USP3: variants seen among roughly 807,000 people sequenced by gnomAD.
The protein encoded by USP3 is ubiquitin carboxyl-terminal hydrolase 3.
A neutral mutation model predicts 72.3 loss-of-function variants in USP3; 20 were observed. The ratio of observed to expected loss-of-function variants is 0.28; its 90% confidence interval spans 0.19 to 0.40. The LOEUF is 0.40. Ranked by LOEUF, USP3 falls within the 10% of genes least tolerant of loss-of-function variation. USP3 has a pLI of 1.00. For missense variants in USP3, 479 were observed against 633.9 expected (o/e 0.76, Z 2.62); for synonymous variants, 222 against 225.3 (o/e 0.99, Z 0.13).
chr15:63,509,453 T>C (rs539687238), intron 1 of USP3, among the ~76,000 whole-genome samples: 56 of 152,260 alleles, frequency 3.7e-4, no homozygotes, highest in African/African-American at 1.3e-3. Context: ...TGTGAGCAAA[T>C]GACCATCTGC....
Position 63,593,893 on chromosome 15 carries a change from C to CT in USP3, c.*3070dup, listed in dbSNP as rs2067247722. On this transcript the variant is annotated 3_prime_UTR_variant, in exon 15 of 15. Coordinates refer to ENST00000380324, the MANE Select transcript of USP3 (RefSeq NM_006537.4). ...CACATGGCTCCTTGGAACAAGAAAA[C>CT]TTTCTCAGAAGTCCCCACACGGGTG... 6.6e-6 allele frequency: 1 copy of CT among 152,260 alleles called. No individual in the cohort carries two copies. Among genetic ancestry groups the CT allele is most frequent in the African/African-American group, 2.4e-5 (1 of 41,464 alleles). 9.4% of individuals were successfully genotyped at this position (152,260 alleles called of 1,614,324 possible).
At chr15:63,541,799 A>C (rs1595729349) in intron 3 of USP3, among the ~76,000 whole-genome samples, 1 of 152,150 alleles carries the variant, frequency 6.6e-6, no homozygotes, top group Non-Finnish European at 1.5e-5. Context: ...ATAAAACCAG[A>C]TGTCAAATTT....
At chr15:63,513,588 A>G (rs2065816952) in intron 1 of USP3, among the ~76,000 whole-genome samples, 1 of 152,040 alleles carries the variant, frequency 6.6e-6, no homozygotes, top group Non-Finnish European at 1.5e-5. Flanking sequence ...GATGTTACCC[A>G]GGTCTTGAAC....
At chr15:63,510,778 GA>G (rs1267983161) in intron 1 of USP3, among the ~76,000 whole-genome samples, 1 of 152,122 alleles carries the variant, frequency 6.6e-6, no homozygotes, top group Non-Finnish European at 1.5e-5. Flanking sequence ...ATCTTACCTA[GA>G]ATTGTCTTGT....
chr15:63,505,710 C>T (rs1595696011), intron 1 of USP3, among the ~76,000 whole-genome samples: 1 of 152,190 alleles, frequency 6.6e-6, no homozygotes, highest in Admixed American at 6.5e-5. Context: ...AGGATCGCAC[C>T]GGCCACACGG....
At chr15:63,580,292 CTG>C (rs1304725420) in intron 11 of USP3, among the ~76,000 whole-genome samples, 1 of 152,072 alleles carries the variant, frequency 6.6e-6, no homozygotes, top group Non-Finnish European at 1.5e-5. Flanking sequence ...ACAGCATACA[CTG>C]TGCTGTTCAC....
intron 11 of USP3, among the ~76,000 whole-genome samples, chr15:63,577,714 C>T (rs903338742): frequency 5.9e-5 from 9 of 151,822 alleles, no homozygotes; most frequent in African/African-American, 4.8e-5. Flanking sequence ...ATCGTGCAAC[C>T]GCACTCCAGC....
At chr15:63,555,548 G>A (rs1223751761) in intron 4 of USP3, among the ~76,000 whole-genome samples, 1 of 152,164 alleles carries the variant, frequency 6.6e-6, no homozygotes, top group African/African-American at 2.4e-5. Flanking sequence ...TGCATTTTGA[G>A]AGTCACTGAG....
At chr15:63,512,405 CTTCT>C (rs1355560490) in intron 1 of USP3, among the ~76,000 whole-genome samples, 1 of 144,488 alleles carries the variant, frequency 6.9e-6, no homozygotes, top group East Asian at 2.0e-4. Context: ...CTTCCTTCTT[CTTCT>C]TTCTTCTTTC....
In USP3 at chr15:63,593,001, T is replaced by A. The variant is rs996832362; in HGVS notation, c.*2175T>A. 7 of 152,172 alleles carry A rather than the reference T, an allele frequency of 4.6e-5. No homozygotes were observed. Among genetic ancestry groups the A allele is most frequent in the Non-Finnish European group, 7.3e-5 (5 of 68,038 alleles). The allele number at this position is 152,172 out of a possible 1,614,324, so 9.4% of individuals were successfully genotyped here. On this transcript the variant is annotated 3_prime_UTR_variant, in exon 15 of 15. Transcript: ENST00000380324. ...TAGCCACATGTGACTGAAATTTAAA[T>A]TAGAAACTCAGTGCCTTCAGTCACA... is the stretch of plus-strand genomic sequence containing the variant.
rs2066013208 is a variant in USP3, at chr15:63,528,203, A to T, written c.92-4444A>T. The stretch of plus-strand genomic sequence containing the variant: ...CAGTCAGGGTTGGAAGAATCCAAGT[A>T]AACCGAAGAAATTTGCTGGAGGACG... On this transcript the variant is annotated intron_variant, in intron 1 of 14. Transcript: ENST00000380324. This position sits in a 1 kb window ranked among gnomAD's most constrained non-coding sequence, Gnocchi z 4.3. 6.6e-6 allele frequency: 1 copy of T among 152,248 alleles called. No individual in the cohort carries two copies. Among genetic ancestry groups the T allele is most frequent in the African/African-American group, 2.4e-5 (1 of 41,446 alleles). The allele number at this position is 152,248 out of a possible 1,614,324, so 9.4% of individuals were successfully genotyped here. A position where few individuals can be genotyped will look rare whatever the true frequency, so the allele number is the denominator to read the frequency against.
chr15:63,554,321 A>G (rs1289552821), intron 4 of USP3, among the ~76,000 whole-genome samples: 2 of 152,232 alleles, frequency 1.3e-5, no homozygotes, highest in African/African-American at 4.8e-5. Flanking sequence ...AGTTGACATT[A>G]CAAGGAGCTA....
chr15:63,504,694 G>A lies in USP3; in HGVS notation c.-46G>A. On this transcript the variant is annotated 5_prime_UTR_variant, in exon 1 of 15. Transcript: ENST00000380324. ...TCCGGAGTTCCTCCGCCCCCACCTC[G>A]CCGGGTCCTGGAGCCGCAGTCCTCC... The A allele has an allele frequency of 6.6e-7, 1 of 1,513,290 alleles. No individual in the cohort carries two copies. The highest frequency in any genetic ancestry group is 8.9e-7 in the Non-Finnish European group (1 of 1,121,524). 93.7% of individuals were successfully genotyped at this position (1,513,290 alleles called of 1,614,324 possible). A position where few individuals can be genotyped will look rare whatever the true frequency, so the allele number is the denominator to read the frequency against.
intron 3 of USP3, among the ~76,000 whole-genome samples, chr15:63,543,257 C>T (rs749316687): frequency 6.6e-6 from 1 of 151,818 alleles, no homozygotes; most frequent in Non-Finnish European, 1.5e-5. Flanking sequence ...TGGGACAGAT[C>T]GTGGTTTACA....
chr15:63,547,816 T>TAGAG (rs138633272), intron 3 of USP3, among the ~76,000 whole-genome samples: 7 of 19,320 alleles, frequency 3.6e-4, no homozygotes, highest in South Asian at 2.0e-3. Context: ...GAGAGAGGCA[T>TAGAG]AGAGAGAGAG....
intron 1 of USP3, among the ~76,000 whole-genome samples, chr15:63,510,675 A>G (rs1265903732): frequency 6.6e-6 from 1 of 152,134 alleles, no homozygotes; most frequent in Non-Finnish European, 1.5e-5. Context: ...AGTAGGGGCT[A>G]GTACTTTTTG....
chr15:63,580,531 T>C (rs935093561), intron 11 of USP3, among the ~76,000 whole-genome samples: 13 of 151,116 alleles, frequency 8.6e-5, no homozygotes, highest in African/African-American at 2.7e-4. Context: ...CTTTATTTCC[T>C]GCTTTCCATA....
chr15:63,504,939 G>A, intron 1 of USP3, 109 bp downstream of exon 1: 1 of 798,906 alleles, frequency 1.3e-6, no homozygotes, highest in Non-Finnish European at 1.6e-6. Flanking sequence ...GGAGGGGCGA[G>A]GGCGAGCCGG....
In USP3 at chr15:63,559,948, A is replaced by C. The variant is rs2066578002; in HGVS notation, c.625A>C (p.Arg209=). The change falls in exon 7 of 15, where the codon AGG becomes CGG. Residue 209 remains arginine (R), a synonymous_variant. Coordinates refer to ENST00000380324, the MANE Select transcript of USP3 (RefSeq NM_006537.4). The part of the protein sequence containing the change: ...KTAGRRTYHT[R]SQGDNNVSLV... ...AGCAGGAAGGCGGACATACCACACC[A>C]GGAGCCAAGGGGATAACAATGTGTG... 1 of 1,613,894 alleles carries C rather than the reference A, an allele frequency of 6.2e-7. No homozygotes were observed. Among genetic ancestry groups the C allele is most frequent in the African/African-American group, 1.3e-5 (1 of 74,930 alleles).
Sources: allele counts gnomAD v4.1 joint callset (sites outside exome capture counted in the v4.1 genomes callset), GRCh38; gene constraint gnomAD v4.1.1; non-coding constraint Gnocchi (gnomAD v3.1); transcripts MANE v1.5; gene names NCBI Gene and HGNC (gene_info 2026-07-23, HGNC 2026-07-21).